Variants in BFAR observed in about 807,000 individuals in gnomAD.
BFAR encodes the protein RING finger protein 47.
BFAR carries 52 observed loss-of-function variants against 54.4 expected under a neutral mutation model. That is an observed-to-expected ratio of 0.96 (90% CI 0.77 to 1.21). BFAR has a LOEUF of 1.21. Among genes scored for constraint, BFAR ranks in the 50% most tolerant of loss-of-function variants. The pLI is 0.00. For synonymous variants in BFAR, 215 were observed against 204.3 expected (o/e 1.05, Z -0.45); for missense variants, 571 against 534.0 (o/e 1.07, Z -0.68).
At chr16:14,644,123 A>G (rs1959710585) in intron 1 of BFAR, among the ~76,000 whole-genome samples, 151 bp from the exon 2 acceptor site, 1 of 150,948 alleles carries the variant, frequency 6.6e-6, no homozygotes, top group African/African-American at 2.4e-5. Flanking sequence ...AGATCACGCC[A>G]CTGCACTCCA....
At chr16:14,638,480 AT>A (rs1374594745) in intron 1 of BFAR, among the ~76,000 whole-genome samples, 2 of 152,216 alleles carry the variant, frequency 1.3e-5, no homozygotes, top group Non-Finnish European at 2.9e-5. Context: ...GCCATATACA[AT>A]GGTCATAATA....
intron 6 of BFAR, 150 bp from the exon 7 acceptor site, chr16:14,664,719 T>G (rs1442399497): frequency 1.4e-6 from 1 of 734,024 alleles, no homozygotes; most frequent in Non-Finnish European, 2.3e-6. Flanking sequence ...AGCCTGGTCT[T>G]GAACTCCTTA....
At position 14,664,885 on chromosome 16, in the gene BFAR, C is replaced by T. The variant is rs1460593675; in HGVS notation, c.974C>T (p.Thr325Met). 1.7e-5 allele frequency: 27 copies of T among 1,613,634 alleles called. No homozygotes were observed. The highest frequency in any genetic ancestry group is 8.3e-5 in the Admixed American group (5 of 59,946). ...VTKLLDLKEP[T>M]WKQWREFLVK... ...TTTTTTAAGGATCTTAAGGAGCCTA[C>T]GTGGAAGCAGTGGAGAGAGTTCCTG... The change falls in exon 7 of 8, where the codon ACG becomes ATG. Residue 325 changes from threonine to methionine, a missense_variant. Transcript: ENST00000261658.
chr16:14,645,309 CAAAA>C (rs962199984), intron 2 of BFAR, among the ~76,000 whole-genome samples: 2 of 148,438 alleles, frequency 1.3e-5, no homozygotes, highest in African/African-American at 2.5e-5. Context: ...GACCCTGTCT[CAAAA>C]AAAAAGAAAG....
At chr16:14,666,059 C>T (rs1002849185) in intron 7 of BFAR, among the ~76,000 whole-genome samples, 6 of 152,148 alleles carry the variant, frequency 3.9e-5, no homozygotes, top group Non-Finnish European at 8.8e-5. Context: ...ATGTGGGGGC[C>T]CTTGTCTTCT....
chr16:14,653,889 CAG>C (rs951375550), intron 4 of BFAR, among the ~76,000 whole-genome samples: 1 of 151,460 alleles, frequency 6.6e-6, no homozygotes, highest in African/African-American at 2.4e-5. Flanking sequence ...TCTGGAGAGA[CAG>C]GGTCTCACTG....
chr16:14,652,340 C>T (rs1293038662), intron 4 of BFAR, among the ~76,000 whole-genome samples: 1 of 150,938 alleles, frequency 6.6e-6, no homozygotes, highest in African/African-American at 2.4e-5. Context: ...AGTGCAGTGG[C>T]AGCGATCTCA....
intron 4 of BFAR, 127 bp downstream of exon 4, chr16:14,650,100 T>G (rs1959926507): frequency 1.1e-6 from 1 of 911,550 alleles, no homozygotes; most frequent in Admixed American, 3.4e-5. Flanking sequence ...GGCGGATCGA[T>G]CATTTGAGGT....
Position 14,667,995 on chromosome 16 carries a change from GT to G in BFAR, c.*169del. On this transcript the variant is annotated 3_prime_UTR_variant, in exon 8 of 8. Coordinates refer to ENST00000261658, the MANE Select transcript of BFAR (RefSeq NM_016561.3). Reference sequence around the variant, plus strand: ...ATGTCCTCTCCCCCTCAGCCTGTGGGTGGCACGAGCAAGGACTGACATCCGC... The same window carrying G: ...ATGTCCTCTCCCCCTCAGCCTGTGGGGGCACGAGCAAGGACTGACATCCGC... The G allele has an allele frequency of 1.4e-6, 1 of 696,422 alleles. No individual in the cohort carries two copies. The highest frequency in any genetic ancestry group is 2.4e-6 in the Non-Finnish European group (1 of 425,124). The allele number at this position is 696,422 out of a possible 1,614,324, so 43.1% of individuals were successfully genotyped here.
At position 14,669,165 on chromosome 16, in the gene BFAR, C is replaced by A; in HGVS notation, c.*1338C>A. 5.8e-6 allele frequency: 2 copies of A among 342,488 alleles called. No homozygotes were observed. Among genetic ancestry groups the A allele is most frequent in the Non-Finnish European group, 1.2e-5 (2 of 165,164 alleles). The allele number at this position is 342,488 out of a possible 1,614,324, so 21.2% of individuals were successfully genotyped here. A position where few individuals can be genotyped will look rare whatever the true frequency, so the allele number is the denominator to read the frequency against. On this transcript the variant is annotated 3_prime_UTR_variant, in exon 8 of 8. Coordinates refer to ENST00000261658, the MANE Select transcript of BFAR (RefSeq NM_016561.3). ...TGTATCTTTGAGTGAAAATTTTACT[C>A]AAAAGTTGCATCTGGAAGTTCGAAG... is the stretch of plus-strand genomic sequence containing the variant.
chr16:14,645,522 G>C (rs1450250950), intron 2 of BFAR, among the ~76,000 whole-genome samples: 3 of 152,042 alleles, frequency 2.0e-5, no homozygotes, highest in African/African-American at 4.8e-5. Context: ...ACCTGTGAAG[G>C]CTCTGAGGCT....
chr16:14,644,289 C>T lies in BFAR; in HGVS notation c.-58C>T. On this transcript the variant is annotated 5_prime_UTR_variant, in exon 2 of 8. It introduces an in-frame stop codon into an upstream open reading frame of the 5' UTR. Transcript: ENST00000261658. ...TTTTTTCTAGATTAATGATGTTTTG[C>T]AGCAGTTTTCTACGTCTGAAATTTT... 1 of 1,508,004 alleles carries T rather than the reference C, an allele frequency of 6.6e-7. No individual in the cohort carries two copies. The allele number at this position is 1,508,004 out of a possible 1,614,324, so 93.4% of individuals were successfully genotyped here.
chr16:14,645,883 CTT>C (rs1959778984), intron 2 of BFAR, among the ~76,000 whole-genome samples: 1 of 151,920 alleles, frequency 6.6e-6, no homozygotes, highest in Admixed American at 6.6e-5. Flanking sequence ...TGTTTATATT[CTT>C]TGAGACAAAG....
intron 4 of BFAR, among the ~76,000 whole-genome samples, chr16:14,654,156 C>T (rs1212145824): frequency 1.3e-5 from 2 of 151,218 alleles, no homozygotes; most frequent in African/African-American, 2.4e-5. Flanking sequence ...GGACTATAGG[C>T]GCCTGCCACG....
intron 6 of BFAR, among the ~76,000 whole-genome samples, chr16:14,664,410 A>C (rs955122747): frequency 4.0e-5 from 6 of 151,414 alleles, no homozygotes; most frequent in African/African-American, 1.5e-4. Context: ...AAAAAAAAAA[A>C]CAATTACAAG....
intron 2 of BFAR, among the ~76,000 whole-genome samples, chr16:14,647,552 A>T (rs573594881): frequency 6.6e-6 from 1 of 152,060 alleles, no homozygotes; most frequent in Non-Finnish European, 1.5e-5. Flanking sequence ...GTAATGGCGC[A>T]TGCCCATAAT....
chr16:14,652,721 G>GT (rs200669024), intron 4 of BFAR, among the ~76,000 whole-genome samples: 12 of 151,746 alleles, frequency 7.9e-5, no homozygotes, highest in East Asian at 5.8e-4. Context: ...ATATAAATGT[G>GT]TTTTTTTTAA....
intron 4 of BFAR, among the ~76,000 whole-genome samples, chr16:14,650,841 C>A (rs1959947773): frequency 6.6e-6 from 1 of 152,174 alleles, no homozygotes; most frequent in Non-Finnish European, 1.5e-5. Context: ...ATTTTCAATA[C>A]TGTCTTGGAG....
chr16:14,655,348 G>C, intron 5 of BFAR, 138 bp downstream of exon 5: 2 of 799,948 alleles, frequency 2.5e-6, no homozygotes, highest in Non-Finnish European at 3.3e-6. Context: ...TTGAGACAGA[G>C]TCCTTCTCTG....
Sources: allele counts gnomAD v4.1 joint callset (sites outside exome capture counted in the v4.1 genomes callset), GRCh38; gene constraint gnomAD v4.1.1; transcripts MANE v1.5; gene names NCBI Gene and HGNC (gene_info 2026-07-23, HGNC 2026-07-21).